The following DYM variants were observed in gnomAD, a reference collection of about 807,000 sequenced individuals.
DYM encodes the protein dyggve-Melchior-Clausen syndrome protein.
DYM carries 78 observed loss-of-function variants against 93.1 expected under a neutral mutation model. The observed-to-expected ratio is 0.84, with a 90% CI of 0.70 to 1.01. The LOEUF (loss-of-function observed/expected upper bound fraction) is 1.01. Ranked by LOEUF, DYM falls within the 50% of genes least tolerant of loss-of-function variation. DYM has a pLI of 0.00. For synonymous variants in DYM, 321 were observed against 319.7 expected, an observed-to-expected ratio of 1.00 and a Z score of -0.04; for missense variants, 789 against 845.0, an observed-to-expected ratio of 0.93 and a Z score of 0.82.
At chr18:49,227,536 T>C (rs2093574585) in intron 13 of DYM, among the ~76,000 whole-genome samples, 1 of 152,152 alleles carries the variant, frequency 6.6e-6, no homozygotes, top group Non-Finnish European at 1.5e-5. Context: ...TCAGTTGTGG[T>C]CATGGATATA....
At chr18:49,088,664 T>A (rs1174397298) in intron 17 of DYM, among the ~76,000 whole-genome samples, 1 of 152,148 alleles carries the variant, frequency 6.6e-6, no homozygotes, top group Non-Finnish European at 1.5e-5. Context: ...AGTACAAATA[T>A]TGTCAAACTC....
At chr18:49,180,207 T>G (rs901051893) in intron 14 of DYM, among the ~76,000 whole-genome samples, 1 of 152,108 alleles carries the variant, frequency 6.6e-6, no homozygotes, top group African/African-American at 2.4e-5. Flanking sequence ...TAAGGAAGAC[T>G]TTTTTCTTGA....
At chr18:49,203,065 T>C (rs372584327) in intron 14 of DYM, among the ~76,000 whole-genome samples, 687 of 7,608 alleles carry the variant, frequency 0.09, 261 homozygotes, top group Middle Eastern at 0.4. Context: ...GGGTCAGCCC[T>C]CCGCCCGGCC....
At chr18:49,240,185 A>C (rs939138692) in intron 13 of DYM, among the ~76,000 whole-genome samples, 4 of 152,206 alleles carry the variant, frequency 2.6e-5, no homozygotes, top group African/African-American at 9.6e-5. Context: ...AAGTATATAC[A>C]CTGAACTCTG....
At chr18:49,106,063 A>C (rs1310117891) in intron 16 of DYM, among the ~76,000 whole-genome samples, 3 of 152,130 alleles carry the variant, frequency 2.0e-5, no homozygotes, top group Non-Finnish European at 2.9e-5. Context: ...GTAGGTCTCT[A>C]AGGACTTGCT....
At chr18:49,135,867 T>C (rs960315309) in intron 15 of DYM, among the ~76,000 whole-genome samples, 5 of 152,266 alleles carry the variant, frequency 3.3e-5, no homozygotes, top group Admixed American at 6.5e-5. Context: ...ATTTTAAGTC[T>C]AGTGCTGAAA....
chr18:49,389,300 A>ATGTGTGTGTGTGTC (rs545989314), intron 3 of DYM, among the ~76,000 whole-genome samples: 14 of 151,798 alleles, frequency 9.2e-5, no homozygotes, highest in African/African-American at 3.1e-4. Flanking sequence ...ACAGATTAAA[A>ATGTGTGTGTGTGTC]TGTGTGTGTG....
chr18:49,315,596 C>T (rs2061878285), intron 8 of DYM, among the ~76,000 whole-genome samples: 1 of 152,160 alleles, frequency 6.6e-6, no homozygotes, highest in Non-Finnish European at 1.5e-5. Context: ...GCACTGACTA[C>T]ATGAAAGACT....
At chr18:49,217,070 G>A (rs997564880) in intron 13 of DYM, among the ~76,000 whole-genome samples, 1 of 152,212 alleles carries the variant, frequency 6.6e-6, no homozygotes, top group Non-Finnish European at 1.5e-5. Context: ...GGAGCTGATG[G>A]AGCTGAAAGC....
intron 13 of DYM, among the ~76,000 whole-genome samples, chr18:49,217,050 A>G (rs1294547564): frequency 6.6e-6 from 1 of 152,248 alleles, no homozygotes; most frequent in Admixed American, 6.5e-5. Context: ...AATAGAGAGA[A>G]GTGCTTAAAG....
intron 13 of DYM, among the ~76,000 whole-genome samples, chr18:49,246,473 A>G (rs1177973035): frequency 6.6e-6 from 1 of 152,190 alleles, no homozygotes; most frequent in Admixed American, 6.5e-5. Context: ...AAATATCACA[A>G]TTTTGTAAAA....
intron 1 of DYM, among the ~76,000 whole-genome samples, chr18:49,434,054 A>T (rs1188530381): frequency 6.6e-6 from 1 of 152,120 alleles, no homozygotes; most frequent in Non-Finnish European, 1.5e-5. Context: ...TATTAAAAAT[A>T]CAAAAATTAG....
At chr18:49,265,958 G>A (rs2094563654) in intron 11 of DYM, among the ~76,000 whole-genome samples, 1 of 151,614 alleles carries the variant, frequency 6.6e-6, no homozygotes. Context: ...GGCAATTTGA[G>A]TTACAAAACA....
chr18:49,066,190 T>C (rs946747003), intron 17 of DYM, among the ~76,000 whole-genome samples: 16 of 151,470 alleles, frequency 1.1e-4, no homozygotes, highest in African/African-American at 3.6e-4. Flanking sequence ...TGAACACTTA[T>C]GGAATTACTG....
At chr18:49,296,953 T>C (rs74389602) in intron 8 of DYM, among the ~76,000 whole-genome samples, 12,210 of 152,234 alleles carry the variant, frequency 0.08, 770 homozygotes, top group East Asian at 0.31. Flanking sequence ...CTGTCTCTTT[T>C]TCACATTCTA....
Position 49,218,508 on chromosome 18 carries a change from G to A in DYM, c.1461-8793C>T, listed in dbSNP as rs1401106107. On this transcript the variant is annotated intron_variant, in intron 13 of 17. Transcript: ENST00000675505. ...AAAATTGACCACATAGTTGGAAGTA[G>A]AGCTCTCCTCAGCAAATGTAAAAGA... Among the ~76,000 whole-genome samples, 13 of 152,150 alleles carry A rather than the reference G, an allele frequency of 8.5e-5. No individual in the cohort carries two copies. In the East Asian group the frequency reaches 1.5e-3, roughly 18 times the overall value.
intron 2 of DYM, among the ~76,000 whole-genome samples, chr18:49,423,368 C>A (rs2073930039): frequency 1.3e-5 from 2 of 152,000 alleles, no homozygotes; most frequent in African/African-American, 4.8e-5. Flanking sequence ...CACAACATAC[C>A]AGAATCTCTG....
Position 49,140,714 on chromosome 18 carries a change from G to T in DYM, c.1729-21788C>A, listed in dbSNP as rs1480127299. Among the ~76,000 whole-genome samples, 3 of 152,088 alleles carry T rather than the reference G, an allele frequency of 2.0e-5. No individual in the cohort carries two copies. The East Asian group carries it at 5.8e-4, about 29-fold the overall frequency. On this transcript the variant is annotated intron_variant, in intron 15 of 17. Coordinates refer to ENST00000675505, the MANE Select transcript of DYM (RefSeq NM_001353214.3). ...TAAAGTTGGGTTGGCTAAAAAACAG[G>T]AACAGGGGTATGGACATATCCTAAG...
At chr18:49,147,821 G>C (rs2085334036) in intron 15 of DYM, among the ~76,000 whole-genome samples, 1 of 152,212 alleles carries the variant, frequency 6.6e-6, no homozygotes. Flanking sequence ...AATACCATTT[G>C]ACCCGGCCAT....
Sources: gnomAD v4.1 joint callset for allele counts (sites outside exome capture counted in the v4.1 genomes callset) on GRCh38, gnomAD v4.1.1 for gene constraint, MANE v1.5 for transcripts, NCBI Gene and HGNC (gene_info 2026-07-23, HGNC 2026-07-21) for gene names.